FDX1: variants seen among roughly 807,000 people sequenced by gnomAD.
The protein encoded by FDX1 is ferredoxin 1.
A neutral mutation model predicts 14.9 loss-of-function variants in FDX1; 9 were observed. That is an observed-to-expected ratio of 0.60 (90% CI 0.36 to 1.05). FDX1 has a LOEUF of 1.05. Among genes scored for constraint, FDX1 ranks in the 50% least tolerant of loss-of-function variants. The pLI, the probability that FDX1 is intolerant of heterozygous loss-of-function variation, is 0.01. For synonymous variants in FDX1, 92 were observed against 99.4 expected (o/e 0.93, Z 0.44); for missense variants, 204 against 237.2 (o/e 0.86, Z 0.92).
intron 3 of FDX1, among the ~76,000 whole-genome samples, chr11:110,457,808 T>C (rs1370565088): frequency 6.6e-6 from 1 of 152,234 alleles, no homozygotes; most frequent in Non-Finnish European, 1.5e-5. Context: ...TTATACACTT[T>C]TAATATAAAC....
chr11:110,434,730 T>TG (rs1565379243), intron 1 of FDX1, among the ~76,000 whole-genome samples: 1 of 131,140 alleles, frequency 7.6e-6, no homozygotes, highest in Non-Finnish European at 1.6e-5. Flanking sequence ...TTTTTGTTTT[T>TG]TTTTTTTTTT....
chr11:110,435,820 G>T lies in FDX1; in HGVS notation c.186-14G>T. ...AAATTACTAAAAATACTAAAGGACT[G>T]TTTTTTTTTCCAGCTCAGAAGATAA... On this transcript the variant is annotated splice_polypyrimidine_tract_variant and intron_variant, in intron 1 of 3. Transcript: ENST00000260270. 1 of 1,542,808 alleles carries T rather than the reference G, an allele frequency of 6.5e-7. No individual in the cohort carries two copies. Among genetic ancestry groups the T allele is most frequent in the South Asian group, 1.2e-5 (1 of 83,656 alleles).
In FDX1 at chr11:110,462,413, TG is replaced by T; in HGVS notation, c.501del (p.Pro168LeufsTer40). 6.2e-7 allele frequency: 1 copy of T among 1,611,746 alleles called. No homozygotes were observed. The highest frequency in any genetic ancestry group is 8.5e-7 in the Non-Finnish European group (1 of 1,178,044). ...TCTATGGACAATATGACTGTTCGAG[TG>T]CCTGAAACAGTGGCTGATGCCAGAC... ...TKSMDNMTVR[V>X]PETVADARQS... On this transcript the variant is annotated frameshift_variant, in exon 4 of 4. Coordinates refer to ENST00000260270, the MANE Select transcript of FDX1 (RefSeq NM_004109.5). LOFTEE classifies it high-confidence loss of function.
chr11:110,456,974 A>G lies in FDX1; in HGVS notation c.367A>G (p.Ile123Val), dbSNP rs1176463098. Reference sequence around the variant, plus strand: ...CTGTCACCTCATCTTTGAAGATCACATATATGAGAAGTTAGATGCAATCAC... The same window carrying G: ...CTGTCACCTCATCTTTGAAGATCACGTATATGAGAAGTTAGATGCAATCAC... ...STCHLIFEDH[I>V]YEKLDAITDE... The change falls in exon 3 of 4, where the codon ATA becomes GTA. Residue 123 changes from isoleucine (I) to valine (V), a missense_variant. Physicochemically the swap from Ile to Val is conservative, Grantham distance 29 (BLOSUM62 3). Transcript: ENST00000260270. 4 of 1,613,772 alleles carry G rather than the reference A, an allele frequency of 2.5e-6. No individual in the cohort carries two copies. Among genetic ancestry groups the G allele is most frequent in the African/African-American group, 1.3e-5 (1 of 75,040 alleles).
intron 1 of FDX1, among the ~76,000 whole-genome samples, chr11:110,430,932 T>C (rs1156666963): frequency 6.6e-6 from 1 of 152,262 alleles, no homozygotes; most frequent in Non-Finnish European, 1.5e-5. Context: ...ACTGATTGTC[T>C]GACGTGCCTA....
rs1565387164 is a variant in FDX1, at chr11:110,464,748, ATTATATTCAAC to A, written c.*2281_*2291del. The stretch of plus-strand genomic sequence containing the variant: ...CTCTCCTTCCAGAGCTACTTTAATG[ATTATATTCAAC>A]CAAAGCACTCTAAAATTTAGAGTAT... On this transcript the variant is annotated 3_prime_UTR_variant, in exon 4 of 4. Transcript: ENST00000260270. 1 of 152,180 alleles carries A rather than the reference ATTATATTCAAC, an allele frequency of 6.6e-6. No homozygotes were observed. Among genetic ancestry groups the A allele is most frequent in the Non-Finnish European group, 1.5e-5 (1 of 68,026 alleles). The allele number at this position is 152,180 out of a possible 1,614,324, so 9.4% of individuals were successfully genotyped here.
chr11:110,440,142 T>G (rs1073528), intron 2 of FDX1, among the ~76,000 whole-genome samples: 77,133 of 151,940 alleles, frequency 0.51, 20,611 homozygotes, highest in African/African-American at 0.67. Context: ...TTCTAATTAT[T>G]CTTATTTGGA....
chr11:110,430,915 C>T lies in FDX1; in HGVS notation c.185+610C>T, dbSNP rs117633485. 6.6e-3 allele frequency among the ~76,000 whole-genome samples: 998 copies of T among 152,316 alleles called. 10 individuals are homozygous for T. Among genetic ancestry groups the T allele is most frequent in the Middle Eastern group, 0.02 (6 of 294 alleles). On this transcript the variant is annotated intron_variant, in intron 1 of 3. Transcript: ENST00000260270. The stretch of plus-strand genomic sequence containing the variant: ...TAATCTGCCGGGACTTGAAACTTGG[C>T]TTTGGCACTGATTGTCTGACGTGCC...
rs1565387184 is a variant in FDX1, at chr11:110,464,775, T to C, written c.*2307T>C. 1 of 152,194 alleles carries C rather than the reference T, an allele frequency of 6.6e-6. No homozygotes were observed. The highest frequency in any genetic ancestry group is 1.5e-5 in the Non-Finnish European group (1 of 68,030). 9.4% of individuals were successfully genotyped at this position (152,194 alleles called of 1,614,324 possible). On this transcript the variant is annotated 3_prime_UTR_variant, in exon 4 of 4. Transcript: ENST00000260270. ...TATATTCAACCAAAGCACTCTAAAA[T>C]TTAGAGTATAAATTGTCTTATATTT...
At chr11:110,430,462 G>T (rs1305399748) in intron 1 of FDX1, among the ~76,000 whole-genome samples, 157 bp downstream of exon 1, 1 of 152,152 alleles carries the variant, frequency 6.6e-6, no homozygotes, top group Non-Finnish European at 1.5e-5. Context: ...GGGTGCTCTC[G>T]CGGCTCCGTC....
chr11:110,460,956 G>T (rs1013942454), intron 3 of FDX1, among the ~76,000 whole-genome samples: 2 of 152,170 alleles, frequency 1.3e-5, no homozygotes, highest in Non-Finnish European at 2.9e-5. Context: ...ATTTAGTGTT[G>T]TGCCTTTAGG....
rs1002810071 is a variant in FDX1, at chr11:110,430,119, C to A, written c.-2C>A. 438 of 1,235,738 alleles carry A rather than the reference C, an allele frequency of 3.5e-4. No individual in the cohort carries two copies. Among genetic ancestry groups the A allele is most frequent in the Middle Eastern group, 6.3e-4 (2 of 3,188 alleles). 76.5% of individuals were successfully genotyped at this position (1,235,738 alleles called of 1,614,324 possible). Reference sequence around the variant, plus strand: ...GCTTCCGGCAGTTCCCGACCGCGGGCGATGGCTGCCGCTGGGGGCGCCCGG... The same window carrying A: ...GCTTCCGGCAGTTCCCGACCGCGGGAGATGGCTGCCGCTGGGGGCGCCCGG... On this transcript the variant is annotated 5_prime_UTR_variant, in exon 1 of 4. Transcript: ENST00000260270.
chr11:110,462,307 A>C, intron 3 of FDX1, 47 bp from the exon 4 acceptor site: 3 of 1,027,534 alleles, frequency 2.9e-6, no homozygotes, highest in East Asian at 2.6e-5. Context: ...TGCCTTGTGA[A>C]TATATATACG....
chr11:110,442,287 A>C (rs889085730), intron 2 of FDX1, among the ~76,000 whole-genome samples: 7 of 152,210 alleles, frequency 4.6e-5, no homozygotes, highest in African/African-American at 1.7e-4. Flanking sequence ...GAAGAGGGCC[A>C]CTGCCCTCCA....
chr11:110,451,078 A>G (rs1251342593), intron 2 of FDX1, among the ~76,000 whole-genome samples: 5 of 151,546 alleles, frequency 3.3e-5, no homozygotes, highest in Non-Finnish European at 1.5e-5. Context: ...TTATAGTTTT[A>G]TAGGTTATCT....
chr11:110,442,937 G>A (rs1466829354), intron 2 of FDX1, among the ~76,000 whole-genome samples: 1 of 152,138 alleles, frequency 6.6e-6, no homozygotes, highest in East Asian at 1.9e-4. Context: ...TCTCCTGACA[G>A]TGAATAAGAC....
chr11:110,444,748 G>GTGTATA (rs1301986251), intron 2 of FDX1, among the ~76,000 whole-genome samples: 2 of 29,844 alleles, frequency 6.7e-5, no homozygotes, highest in East Asian at 1.2e-3. Context: ...ATATATACAC[G>GTGTATA]TATATATATA....
intron 2 of FDX1, among the ~76,000 whole-genome samples, chr11:110,446,292 A>T (rs1946449556): frequency 6.6e-6 from 1 of 152,228 alleles, no homozygotes; most frequent in Non-Finnish European, 1.5e-5. Flanking sequence ...GGCTGAATGC[A>T]GGAGCCCATC....
At chr11:110,456,035 G>A (rs750177555) in intron 2 of FDX1, among the ~76,000 whole-genome samples, 3 of 152,268 alleles carry the variant, frequency 2.0e-5, no homozygotes, top group Non-Finnish European at 4.4e-5. Flanking sequence ...TCTGGCGTAC[G>A]ATATGTATTC....
Sources: allele counts gnomAD v4.1 joint callset (sites outside exome capture counted in the v4.1 genomes callset), GRCh38; gene constraint gnomAD v4.1.1; transcripts MANE v1.5; gene names NCBI Gene and HGNC (gene_info 2026-07-23, HGNC 2026-07-21).